The following LRRC56 variants were observed in gnomAD, a reference collection of about 807,000 sequenced individuals.
The protein encoded by LRRC56 is leucine rich repeat containing 56.
LRRC56 carries 41 observed loss-of-function variants against 47.8 expected under a neutral mutation model. The ratio of observed to expected loss-of-function variants is 0.86; its 90% CI spans 0.67 to 1.11. LRRC56 has a LOEUF of 1.11. LRRC56 is among the 50% of genes most tolerant of loss of function. LRRC56 has a pLI of 0.00. For synonymous variants in LRRC56, 387 were observed against 311.2 expected, an observed-to-expected ratio of 1.24 and a Z score of -2.56; for missense variants, 759 against 704.2, an observed-to-expected ratio of 1.08 and a Z score of -0.88.
At chr11:518,910 C>T in the LRRC56 span, among the ~76,000 whole-genome samples, 3 of 140,130 alleles carry the variant, frequency 2.1e-5, no homozygotes, top group Non-Finnish European at 4.6e-5. Flanking sequence ...GGCGGGGGGG[C>T]GTGTCTCCCG....
chr11:540,428 G>A (rs763198947), intron 3 of LRRC56, among the ~76,000 whole-genome samples: 1 of 152,250 alleles, frequency 6.6e-6, no homozygotes, highest in Admixed American at 6.5e-5. Flanking sequence ...GGTGTCCTAC[G>A]AAGCAGAGGG....
chr11:520,608 C>T, the LRRC56 span, among the ~76,000 whole-genome samples: 13 of 152,112 alleles, frequency 8.5e-5, no homozygotes, highest in Non-Finnish European at 1.3e-4. Flanking sequence ...CATGAGCCAC[C>T]GCGCCCGGCC....
At chr11:534,542 G>C, upstream of LRRC56, 1 of 595,896 alleles carries the variant, frequency 1.7e-6, no homozygotes, top group Admixed American at 3.0e-5. Flanking sequence ...CCCAGCGTGC[G>C]GGAGGGCTGT....
At chr11:510,447 C>CA in the LRRC56 span, among the ~76,000 whole-genome samples, 4 of 151,350 alleles carry the variant, frequency 2.6e-5, no homozygotes, top group Non-Finnish European at 4.4e-5. Flanking sequence ...ACTAAAAATA[C>CA]AAAAAAATGG....
the LRRC56 span, among the ~76,000 whole-genome samples, chr11:512,154 G>A: frequency 1.7e-4 from 26 of 152,236 alleles, no homozygotes; most frequent in African/African-American, 6.0e-4. Flanking sequence ...ACGTTGGACA[G>A]GCTGGTCTCA....
In LRRC56 at chr11:554,072, G is replaced by C. The variant is rs897749833; in HGVS notation, c.1425G>C (p.Arg475Ser). Residue 475 changes from arginine (R) to serine (S), a missense_variant, in exon 14 of 14, where the codon AGG (arginine) becomes AGC (serine). Transcript: ENST00000270115. ...SPRWSTDLQS[R>S]GRRLRVLGSW... ...GGTGGTCGACAGACCTGCAGTCCAG[G>C]GGGCGTCGGCTCCGAGTCCTGGGCA... 6.2e-7 allele frequency: 1 copy of C among 1,610,082 alleles called. No individual in the cohort carries two copies. The highest frequency in any genetic ancestry group is 8.5e-7 in the Non-Finnish European group (1 of 1,179,282).
At chr11:547,250 A>G (rs1852129388) in intron 6 of LRRC56, among the ~76,000 whole-genome samples, 1 of 152,068 alleles carries the variant, frequency 6.6e-6, no homozygotes. Flanking sequence ...GTAAAAAACA[A>G]AAACAAAGAA....
At position 554,785 on chromosome 11, in the gene LRRC56, T is replaced by G; in HGVS notation, c.*509T>G. 3 of 517,652 alleles carry G rather than the reference T, an allele frequency of 5.8e-6. No individual in the cohort carries two copies. Among genetic ancestry groups the G allele is most frequent in the East Asian group, 3.6e-5 (1 of 27,596 alleles). 32.1% of individuals were successfully genotyped at this position (517,652 alleles called of 1,614,324 possible). ...GATCTGTAGGGTTCCCGCACTGCGA[T>G]AGGGCGGCCCGTTCCCTCCTCTTGG... On this transcript the variant is annotated 3_prime_UTR_variant, in exon 14 of 14. Transcript: ENST00000270115.
rs370167086 is a variant in LRRC56 at position 553,593 on chromosome 11, G to T, written c.1316-370G>T. On this transcript the variant is annotated intron_variant, in intron 13 of 13. Coordinates refer to ENST00000270115, the MANE Select transcript of LRRC56 (RefSeq NM_198075.4). ...AGACACCGGTGGAGGCGGGTGCTGGGGGACCCAAGGCTTGGGAACCGGCCC... is the reference window on the plus strand; with the variant it reads ...AGACACCGGTGGAGGCGGGTGCTGGTGGACCCAAGGCTTGGGAACCGGCCC... 1.2e-4 allele frequency among the ~76,000 whole-genome samples: 19 copies of T among 152,292 alleles called. No individual in the cohort carries two copies. In the East Asian group the frequency reaches 3.7e-3, roughly 29 times the overall value.
the LRRC56 span, among the ~76,000 whole-genome samples, chr11:511,734 G>C: frequency 6.6e-6 from 1 of 152,222 alleles, no homozygotes; most frequent in Non-Finnish European, 1.5e-5. Context: ...CAGGGCCCAG[G>C]CGTGACCCTC....
the LRRC56 span, among the ~76,000 whole-genome samples, chr11:518,709 G>A: frequency 6.6e-6 from 1 of 152,178 alleles, no homozygotes. Context: ...AGCAGGTGGG[G>A]CAGGAAACGC....
At chr11:534,440 G>A (rs969273308), upstream of LRRC56, 19 of 804,176 alleles carry the variant, frequency 2.4e-5, no homozygotes, top group South Asian at 6.1e-5. Flanking sequence ...GGCAGCTGCT[G>A]GCAGGGCCAT....
At chr11:529,934 G>A in the LRRC56 span, among the ~76,000 whole-genome samples, 2 of 152,162 alleles carry the variant, frequency 1.3e-5, no homozygotes, top group East Asian at 1.9e-4. Context: ...AAGGCCTAGC[G>A]GCATGAGGGG....
At chr11:532,885 CA>C, upstream of LRRC56, 1 of 882,692 alleles carries the variant, frequency 1.1e-6, no homozygotes, top group Non-Finnish European at 1.8e-6. Context: ...TCCCCAGGCC[CA>C]CCACACACAC....
At chr11:524,166 A>C in the LRRC56 span, among the ~76,000 whole-genome samples, 1 of 152,232 alleles carries the variant, frequency 6.6e-6, no homozygotes, top group Non-Finnish European at 1.5e-5. Context: ...AAATGAAAGA[A>C]GACTCACATA....
the LRRC56 span, among the ~76,000 whole-genome samples, chr11:512,872 A>G: frequency 1.3e-5 from 2 of 152,194 alleles, no homozygotes; most frequent in Admixed American, 1.3e-4. Context: ...CCAGGAAACA[A>G]TTCAAGGGCA....
intron 6 of LRRC56, among the ~76,000 whole-genome samples, chr11:549,607 C>T (rs1852268730): frequency 1.3e-5 from 2 of 152,232 alleles, no homozygotes; most frequent in Non-Finnish European, 1.5e-5. Context: ...AAAGGTGATG[C>T]CTGCAGCCTG....
chr11:545,348 C>G lies in LRRC56; in HGVS notation c.326+568C>G, dbSNP rs1003710188. Among the ~76,000 whole-genome samples the G allele has an allele frequency of 3.9e-5, 6 of 152,236 alleles. No individual in the cohort carries two copies. In the East Asian group the frequency reaches 1.2e-3, roughly 29 times the overall value. On this transcript the variant is annotated intron_variant, in intron 6 of 13. Coordinates refer to ENST00000270115, the MANE Select transcript of LRRC56 (RefSeq NM_198075.4). ...GACTGGGGGCCTTCTGGCCCCCGCA[C>G]GGCTCATTGCAGCCCAGGACTTTGG...
chr11:507,552 C>T, the LRRC56 span, among the ~76,000 whole-genome samples: 4 of 152,048 alleles, frequency 2.6e-5, no homozygotes, highest in Admixed American at 6.6e-5. Context: ...TCCTGAGAAT[C>T]CTCGGAGGAA....
Sources: allele counts gnomAD v4.1 joint callset (sites outside exome capture counted in the v4.1 genomes callset), GRCh38; gene constraint gnomAD v4.1.1; transcripts MANE v1.5; gene names NCBI Gene and HGNC (gene_info 2026-07-23, HGNC 2026-07-21).